LCP1: variants seen among roughly 807,000 people sequenced by gnomAD.
LCP1 encodes the protein plastin-2.
A neutral mutation model predicts 72.0 loss-of-function variants in LCP1; 23 were observed. The observed-to-expected ratio is 0.32, with a 90% confidence interval of 0.23 to 0.45. The LOEUF is 0.45. LCP1 is among the 20% of genes least tolerant of loss of function. The pLI, the probability that LCP1 is intolerant of heterozygous loss-of-function variation, is 1.00. For missense variants in LCP1, 571 were observed against 748.3 expected, an observed-to-expected ratio of 0.76 and a Z score of 2.76; for synonymous variants, 245 against 275.4, an observed-to-expected ratio of 0.89 and a Z score of 1.09.
intron 13 of LCP1, among the ~76,000 whole-genome samples, chr13:46,139,347 G>A (rs2045684009): frequency 6.6e-6 from 1 of 152,222 alleles, no homozygotes; most frequent in African/African-American, 2.4e-5. Context: ...ATCAGGGAGT[G>A]AAATCTTTTA....
chr13:46,131,547 C>T (rs1337917292), intron 14 of LCP1, among the ~76,000 whole-genome samples: 3 of 152,110 alleles, frequency 2.0e-5, no homozygotes, highest in Admixed American at 2.0e-4. Flanking sequence ...AAAAAGACAC[C>T]TGCATGCTTG....
At chr13:46,136,355 A>G (rs529979508) in intron 13 of LCP1, among the ~76,000 whole-genome samples, 4 of 152,266 alleles carry the variant, frequency 2.6e-5, no homozygotes, top group African/African-American at 7.2e-5. Flanking sequence ...TTGTGATGGC[A>G]TTGGTATCCA....
Position 46,163,429 on chromosome 13 carries a change from T to C in LCP1, c.-24-3743A>G, listed in dbSNP as rs542276545. On this transcript the variant is annotated intron_variant, in intron 1 of 15. Coordinates refer to ENST00000323076, the MANE Select transcript of LCP1 (RefSeq NM_002298.5). The stretch of plus-strand genomic sequence containing the variant: ...AGATGTGCTTTGTTAAACAGATGCT[T>C]GAAGGCAGCATGCTCGTTAAGAGTC... Among the ~76,000 whole-genome samples the C allele has an allele frequency of 2.4e-3, 371 of 152,262 alleles. 2 individuals are homozygous for C. Among genetic ancestry groups the C allele is most frequent in the Admixed American group, 5.4e-3 (82 of 15,302 alleles).
chr13:46,159,774 G>T, intron 1 of LCP1, 88 bp from the exon 2 acceptor site: 2 of 757,966 alleles, frequency 2.6e-6, no homozygotes, highest in Admixed American at 2.3e-5. Context: ...TTTATTACAT[G>T]AAGAAATATT....
intron 13 of LCP1, among the ~76,000 whole-genome samples, chr13:46,137,996 C>A (rs1358738780): frequency 6.6e-6 from 1 of 152,244 alleles, no homozygotes; most frequent in African/African-American, 2.4e-5. Context: ...ACTTCACCAT[C>A]CACAGCCTGT....
At chr13:46,142,505 T>C in intron 12 of LCP1, 80 bp from the exon 13 acceptor site, 2 of 1,453,774 alleles carry the variant, frequency 1.4e-6, no homozygotes, top group Non-Finnish European at 1.9e-6. Flanking sequence ...AAAATAAAGA[T>C]AAAAAATGAA....
At chr13:46,176,559 C>T (rs971907717) in intron 1 of LCP1, among the ~76,000 whole-genome samples, 1 of 152,146 alleles carries the variant, frequency 6.6e-6, no homozygotes, top group African/African-American at 2.4e-5. Context: ...TATCCTTTTA[C>T]TTCACACATT....
chr13:46,158,689 T>C (rs746714336), intron 3 of LCP1, 38 bp from the exon 4 acceptor site: 2 of 1,612,492 alleles, frequency 1.2e-6, no homozygotes. Flanking sequence ...ACTCAAGCAG[T>C]GATCAAGAAA....
intron 10 of LCP1, among the ~76,000 whole-genome samples, chr13:46,145,476 G>A (rs928394317): frequency 6.6e-6 from 1 of 152,100 alleles, no homozygotes; most frequent in Non-Finnish European, 1.5e-5. Context: ...TTGAGAAAAT[G>A]TTCCAAAGGA....
At position 46,158,507 on chromosome 13, in the gene LCP1, A is replaced by T. The variant is rs756239497; in HGVS notation, c.358+15T>A. On this transcript the variant is annotated intron_variant, in intron 4 of 15. Transcript: ENST00000323076. ...TAATCCTGAAATCCTGCTCCAACCC[A>T]GGAGTTGAGCCTACCTGAATAGGAG... The T allele has an allele frequency of 6.2e-7, 1 of 1,611,294 alleles. No homozygotes were observed. The highest frequency in any genetic ancestry group is 1.7e-5 in the Admixed American group (1 of 59,306).
intron 13 of LCP1, among the ~76,000 whole-genome samples, chr13:46,140,064 G>T (rs989737805): frequency 5.3e-5 from 8 of 152,182 alleles, no homozygotes; most frequent in African/African-American, 1.7e-4. Context: ...TGCAGCATAG[G>T]AGGAGAAAAC....
chr13:46,141,887 T>C (rs1322137947), intron 13 of LCP1, among the ~76,000 whole-genome samples: 1 of 151,918 alleles, frequency 6.6e-6, no homozygotes, highest in Non-Finnish European at 1.5e-5. Context: ...TCAATTGAAG[T>C]AAAAGGATGG....
chr13:46,140,770 ACT>A (rs2045692650), intron 13 of LCP1, among the ~76,000 whole-genome samples: 5 of 152,316 alleles, frequency 3.3e-5, no homozygotes, highest in Non-Finnish European at 5.9e-5. Flanking sequence ...TATAAAAATG[ACT>A]CAAAATTTCT....
At chr13:46,173,981 C>T (rs1411644153) in intron 1 of LCP1, among the ~76,000 whole-genome samples, 1 of 152,256 alleles carries the variant, frequency 6.6e-6, no homozygotes, top group Non-Finnish European at 1.5e-5. Flanking sequence ...CATCTCCTCT[C>T]TGTCAGATGC....
intron 1 of LCP1, among the ~76,000 whole-genome samples, chr13:46,173,194 G>T (rs980255061): frequency 1.3e-5 from 2 of 152,136 alleles, no homozygotes; most frequent in South Asian, 4.1e-4. Context: ...AATCAACTAG[G>T]CAGTGACATG....
At chr13:46,137,586 C>A (rs540334840) in intron 13 of LCP1, among the ~76,000 whole-genome samples, 2 of 152,272 alleles carry the variant, frequency 1.3e-5, no homozygotes, top group South Asian at 4.1e-4. Flanking sequence ...GTACACTAAG[C>A]AATTGCTCAT....
chr13:46,176,073 A>C (rs939217993), intron 1 of LCP1, among the ~76,000 whole-genome samples: 10 of 152,202 alleles, frequency 6.6e-5, no homozygotes, highest in African/African-American at 2.4e-4. Flanking sequence ...GGGAAGGTGG[A>C]GGATAGGAGA....
chr13:46,162,674 C>T (rs1030465485), intron 1 of LCP1, among the ~76,000 whole-genome samples: 1 of 152,160 alleles, frequency 6.6e-6, no homozygotes, highest in African/African-American at 2.4e-5. Flanking sequence ...CAGCCGCCTG[C>T]CTTGGCCTCC....
intron 1 of LCP1, among the ~76,000 whole-genome samples, chr13:46,181,860 T>G (rs547421366): frequency 6.6e-6 from 1 of 152,324 alleles, no homozygotes; most frequent in East Asian, 1.9e-4. Context: ...ACCTTAATTT[T>G]GGGCAGGGGT....
Sources: gnomAD v4.1 joint callset for allele counts (sites outside exome capture counted in the v4.1 genomes callset) on GRCh38, gnomAD v4.1.1 for gene constraint, MANE v1.5 for transcripts, NCBI Gene and HGNC (gene_info 2026-07-23, HGNC 2026-07-21) for gene names.